The following UNC13C variants were observed in gnomAD, a reference collection of about 807,000 sequenced individuals.
UNC13C encodes the protein unc-13 homolog C.
UNC13C carries 174 observed loss-of-function variants against 245.4 expected under a neutral mutation model. The ratio of observed to expected loss-of-function variants is 0.71; its 90% CI spans 0.63 to 0.80. The LOEUF (loss-of-function observed/expected upper bound fraction) is 0.80. Among genes scored for constraint, UNC13C ranks in the 30% least tolerant of loss-of-function variants. The pLI, the probability that UNC13C is intolerant of heterozygous loss-of-function variation, is 0.00. For synonymous variants in UNC13C, 992 were observed against 895.1 expected, an observed-to-expected ratio of 1.11 and a Z score of -1.93; for missense variants, 2,829 against 2,602.9, an observed-to-expected ratio of 1.09 and a Z score of -1.89.
intron 4 of UNC13C, among the ~76,000 whole-genome samples, chr15:54,210,924 T>C (rs2034860661): frequency 6.6e-6 from 1 of 152,152 alleles, no homozygotes; most frequent in Admixed American, 6.6e-5. Flanking sequence ...GGAGACATTA[T>C]ATTTATTACA....
At chr15:54,314,446 A>AT (rs5812754) in intron 13 of UNC13C, among the ~76,000 whole-genome samples, 129,132 of 151,132 alleles carry the variant, frequency 0.85, 55,340 homozygotes, top group African/African-American at 0.93. Flanking sequence ...AAAATAAAGA[A>AT]TTTTTTTTAT....
chr15:54,007,545 G>T (rs113614157), intron 1 of UNC13C, among the ~76,000 whole-genome samples: 5 of 152,146 alleles, frequency 3.3e-5, no homozygotes, highest in African/African-American at 4.8e-5. Flanking sequence ...TCACTCATAA[G>T]TGGGAGCTAT....
At chr15:54,604,623 A>C (rs1448653518) in intron 30 of UNC13C, among the ~76,000 whole-genome samples, 3 of 152,174 alleles carry the variant, frequency 2.0e-5, no homozygotes, top group Non-Finnish European at 4.4e-5. Flanking sequence ...CAGAATCCCC[A>C]CTGGTCTTGT....
At chr15:54,562,827 A>G (rs1897350982) in intron 29 of UNC13C, among the ~76,000 whole-genome samples, 1 of 151,954 alleles carries the variant, frequency 6.6e-6, no homozygotes, top group African/African-American at 2.4e-5. Context: ...CACTTTTCAT[A>G]TTTCTTATAA....
the UNC13C span, among the ~76,000 whole-genome samples, chr15:53,969,897 C>G: frequency 6.6e-6 from 1 of 152,130 alleles, no homozygotes; most frequent in Admixed American, 6.6e-5. Context: ...CTGACAACCA[C>G]TCTTCTGCCT....
intron 2 of UNC13C, among the ~76,000 whole-genome samples, chr15:54,070,548 G>A (rs11071023): frequency 0.48 from 72,470 of 151,944 alleles, 18,906 homozygotes; most frequent in Non-Finnish European, 0.59. Flanking sequence ...ATCACAGTTT[G>A]TCTACAGACC....
chr15:54,285,618 T>A (rs894497404), intron 10 of UNC13C, among the ~76,000 whole-genome samples: 1 of 152,184 alleles, frequency 6.6e-6, no homozygotes, highest in African/African-American at 2.4e-5. Flanking sequence ...GGCAGGAGGT[T>A]TCTGCTGATG....
chr15:53,862,353 T>G, the UNC13C span, among the ~76,000 whole-genome samples: 1 of 152,142 alleles, frequency 6.6e-6, no homozygotes, highest in African/African-American at 2.4e-5. Context: ...CTCGTGTATA[T>G]TTTAAGCTCA....
chr15:54,568,940 CT>C (rs1897632575), intron 30 of UNC13C, among the ~76,000 whole-genome samples: 1 of 152,212 alleles, frequency 6.6e-6, no homozygotes, highest in Non-Finnish European at 1.5e-5. Flanking sequence ...ACAATTATCC[CT>C]TTTCATATAT....
At chr15:54,483,718 G>A (rs1038843202) in intron 19 of UNC13C, among the ~76,000 whole-genome samples, 2 of 152,042 alleles carry the variant, frequency 1.3e-5, no homozygotes, top group African/African-American at 4.8e-5. Flanking sequence ...GCCTCCCAGG[G>A]TGCTGGGATG....
intron 16 of UNC13C, 74 bp from the exon 17 acceptor site, chr15:54,338,287 A>C (rs887773865): frequency 1.4e-6 from 2 of 1,431,292 alleles, no homozygotes; most frequent in Non-Finnish European, 1.9e-6. Context: ...TATTGAATAT[A>C]TATTTGAGTA....
chr15:54,072,545 G>T, intron 2 of UNC13C, among the ~76,000 whole-genome samples: 2 of 152,136 alleles, frequency 1.3e-5, no homozygotes. Context: ...TATGGGTCTT[G>T]ACTTGCGTAG....
intron 2 of UNC13C, among the ~76,000 whole-genome samples, chr15:54,080,223 A>T (rs770203088): frequency 9.2e-5 from 14 of 151,920 alleles, no homozygotes; most frequent in Non-Finnish European, 1.5e-4. Context: ...TTGATTTGCT[A>T]GTATTTTGTT....
chr15:54,603,035 A>G (rs144905857), intron 30 of UNC13C, among the ~76,000 whole-genome samples: 2 of 152,274 alleles, frequency 1.3e-5, no homozygotes, highest in African/African-American at 4.8e-5. Flanking sequence ...TCCTTCCTCC[A>G]TTCCCATGTG....
intron 4 of UNC13C, among the ~76,000 whole-genome samples, chr15:54,201,606 A>T (rs1174995548): frequency 6.6e-6 from 1 of 152,050 alleles, no homozygotes; most frequent in Non-Finnish European, 1.5e-5. Flanking sequence ...ATTCGATGAA[A>T]TCTAGGATCA....
intron 29 of UNC13C, among the ~76,000 whole-genome samples, chr15:54,561,237 G>A (rs967510117): frequency 6.6e-6 from 1 of 151,932 alleles, no homozygotes; most frequent in Non-Finnish European, 1.5e-5. Flanking sequence ...TTCTCTCCGG[G>A]AGTTTCTAGT....
chr15:53,903,595 G>A, the UNC13C span, among the ~76,000 whole-genome samples: 2 of 152,164 alleles, frequency 1.3e-5, no homozygotes, highest in African/African-American at 2.4e-5. Flanking sequence ...AACAGAGCGA[G>A]AATTCCCATA....
At chr15:54,239,205 T>G (rs2035786925) in intron 7 of UNC13C, among the ~76,000 whole-genome samples, 1 of 152,200 alleles carries the variant, frequency 6.6e-6, no homozygotes, top group Non-Finnish European at 1.5e-5. Context: ...AACACCATTT[T>G]TATGTCTATA....
intron 4 of UNC13C, among the ~76,000 whole-genome samples, chr15:54,148,138 A>T (rs1441625864): frequency 1.3e-5 from 2 of 152,180 alleles, no homozygotes; most frequent in Non-Finnish European, 2.9e-5. Flanking sequence ...ATGAAGAGAC[A>T]CTGTTGAAGG....
Sources: allele counts gnomAD v4.1 joint callset (sites outside exome capture counted in the v4.1 genomes callset), GRCh38; gene constraint gnomAD v4.1.1; transcripts MANE v1.5; gene names NCBI Gene and HGNC (gene_info 2026-07-23, HGNC 2026-07-21).